The following SLC2A13 variants were observed in gnomAD, a reference collection of about 807,000 sequenced individuals.
SLC2A13 encodes the protein proton myo-inositol cotransporter.
A neutral mutation model predicts 64.4 loss-of-function variants in SLC2A13; 32 were observed. That is an observed-to-expected ratio of 0.50 (90% CI 0.37 to 0.67). The LOEUF (loss-of-function observed/expected upper bound fraction) is 0.67. Ranked by LOEUF, SLC2A13 falls within the 30% of genes least tolerant of loss-of-function variation. The pLI, the probability that SLC2A13 is intolerant of heterozygous loss-of-function variation, is 0.00. For missense variants in SLC2A13, 743 were observed against 829.2 expected (o/e 0.90, Z 1.28); for synonymous variants, 338 against 327.1 (o/e 1.03, Z -0.36).
rs10633826 is a variant in SLC2A13 at position 40,100,969 on chromosome 12, C to CAAAAAA, written c.556+4278_556+4283dup. ...GACAAGAGTGAAGTTCCATCTCAGA[C>CAAAAAA]AAAAAAAAAAAAAAAAAAAAAGATT... On this transcript the variant is annotated intron_variant, in intron 1 of 9. Coordinates refer to ENST00000280871, the MANE Select transcript of SLC2A13 (RefSeq NM_052885.4). Among the ~76,000 whole-genome samples the CAAAAAA allele has an allele frequency of 1.6e-3, 134 of 83,630 alleles. 1 individual carries two copies. The highest frequency in any genetic ancestry group is 1.9e-3 in the African/African-American group (38 of 20,236). 54.9% of individuals were successfully genotyped at this position (83,630 alleles called of 152,430 possible).
At chr12:40,002,532 T>C (rs1283518855) in intron 3 of SLC2A13, among the ~76,000 whole-genome samples, 1 of 152,224 alleles carries the variant, frequency 6.6e-6, no homozygotes, top group East Asian at 1.9e-4. Flanking sequence ...ATGAAATGAA[T>C]GAATGAGGTC....
intron 4 of SLC2A13, among the ~76,000 whole-genome samples, chr12:39,940,921 G>A (rs141571234): frequency 6.2e-4 from 94 of 150,750 alleles, no homozygotes; most frequent in Middle Eastern, 3.4e-3. Context: ...ACACCTTTGC[G>A]TCCTCATAGC....
At chr12:39,841,749 T>C (rs1943185462) in intron 6 of SLC2A13, among the ~76,000 whole-genome samples, 1 of 152,010 alleles carries the variant, frequency 6.6e-6, no homozygotes, top group Non-Finnish European at 1.5e-5. Context: ...AAAAAAACAG[T>C]AACTAATCTT....
At chr12:39,926,306 C>T (rs58561102) in intron 4 of SLC2A13, among the ~76,000 whole-genome samples, 1 of 152,004 alleles carries the variant, frequency 6.6e-6, no homozygotes, top group African/African-American at 2.4e-5. Context: ...TTTTTAAGAA[C>T]ATCTTACATA....
chr12:39,891,235 C>T (rs1364595126), intron 4 of SLC2A13, among the ~76,000 whole-genome samples: 1 of 151,004 alleles, frequency 6.6e-6, no homozygotes, highest in South Asian at 2.1e-4. Flanking sequence ...CTGCTGAGCT[C>T]TGCCTCTGCC....
At chr12:39,919,930 AT>A (rs200143012) in intron 4 of SLC2A13, among the ~76,000 whole-genome samples, 6 of 151,390 alleles carry the variant, frequency 4.0e-5, no homozygotes, top group South Asian at 4.2e-4. Flanking sequence ...TTCTTAAATG[AT>A]TTTTTTTTGT....
At chr12:40,083,659 T>C (rs1012840052) in intron 1 of SLC2A13, among the ~76,000 whole-genome samples, 4 of 152,358 alleles carry the variant, frequency 2.6e-5, no homozygotes, top group Admixed American at 2.6e-4. Flanking sequence ...AGGGTCCCTA[T>C]TCTGAATCTT....
intron 1 of SLC2A13, among the ~76,000 whole-genome samples, chr12:40,094,103 G>T (rs1177113037): frequency 6.6e-6 from 1 of 152,168 alleles, no homozygotes; most frequent in Non-Finnish European, 1.5e-5. Flanking sequence ...TTAGGGCCTA[G>T]ATTCAAAGGA....
chr12:39,882,110 A>G (rs1944352293), intron 4 of SLC2A13, among the ~76,000 whole-genome samples: 1 of 151,974 alleles, frequency 6.6e-6, no homozygotes, highest in Admixed American at 6.6e-5. Flanking sequence ...CTTCTTTTTT[A>G]TTATCCATCA....
chr12:39,779,659 A>T (rs1592129980), intron 7 of SLC2A13, among the ~76,000 whole-genome samples: 1 of 152,328 alleles, frequency 6.6e-6, no homozygotes, highest in Middle Eastern at 3.4e-3. Context: ...CAGAGAAGAC[A>T]TATATTTGCT....
chr12:39,928,597 T>C (rs1172459458), intron 4 of SLC2A13, among the ~76,000 whole-genome samples: 2 of 152,232 alleles, frequency 1.3e-5, no homozygotes, highest in African/African-American at 4.8e-5. Context: ...CAAACTTGCC[T>C]GTTTCTTGTC....
chr12:40,102,583 T>C (rs1368256957), intron 1 of SLC2A13, among the ~76,000 whole-genome samples: 1 of 152,222 alleles, frequency 6.6e-6, no homozygotes, highest in African/African-American at 2.4e-5. Context: ...AAGAAGTTCT[T>C]AGAGCAAACT....
chr12:40,071,760 A>G (rs1242713639), intron 1 of SLC2A13, among the ~76,000 whole-genome samples: 1 of 152,132 alleles, frequency 6.6e-6, no homozygotes. Flanking sequence ...TTTAATGTCC[A>G]TGGAATCTGT....
intron 7 of SLC2A13, among the ~76,000 whole-genome samples, chr12:39,794,264 C>T (rs1268081518): frequency 3.3e-5 from 5 of 151,462 alleles, no homozygotes; most frequent in African/African-American, 1.2e-4. Context: ...CCCCCTTATT[C>T]TTGATATTTG....
At chr12:39,992,897 C>T (rs1046455791) in intron 3 of SLC2A13, among the ~76,000 whole-genome samples, 3 of 152,134 alleles carry the variant, frequency 2.0e-5, no homozygotes, top group African/African-American at 7.2e-5. Flanking sequence ...GGGCTGTGTC[C>T]TTGTTATTTT....
At chr12:39,826,435 T>A (rs1438835279) in intron 7 of SLC2A13, among the ~76,000 whole-genome samples, 1 of 151,462 alleles carries the variant, frequency 6.6e-6, no homozygotes, top group African/African-American at 2.4e-5. Flanking sequence ...AACAGTTATA[T>A]TTAGATGTAA....
chr12:39,767,861 G>A (rs919544920), intron 7 of SLC2A13, among the ~76,000 whole-genome samples: 7 of 151,966 alleles, frequency 4.6e-5, no homozygotes, highest in Non-Finnish European at 1.0e-4. Flanking sequence ...CCTTCCTGTC[G>A]CCATGTGAAG....
At chr12:39,975,906 G>A (rs1289941109) in intron 3 of SLC2A13, among the ~76,000 whole-genome samples, 4 of 152,184 alleles carry the variant, frequency 2.6e-5, no homozygotes, top group African/African-American at 9.7e-5. Flanking sequence ...TCTTAAAGTT[G>A]AAGATTCTAA....
intron 6 of SLC2A13, among the ~76,000 whole-genome samples, chr12:39,846,051 C>T (rs1166388491): frequency 6.6e-6 from 1 of 152,108 alleles, no homozygotes; most frequent in African/African-American, 2.4e-5. Flanking sequence ...TGATTTTTCT[C>T]ATGTTCATCT....
Sources: gnomAD v4.1 joint callset for allele counts (sites outside exome capture counted in the v4.1 genomes callset) on GRCh38, gnomAD v4.1.1 for gene constraint, MANE v1.5 for transcripts, NCBI Gene and HGNC (gene_info 2026-07-23, HGNC 2026-07-21) for gene names.